DAG1: variants seen among roughly 807,000 people sequenced by gnomAD.
DAG1 encodes the protein dystroglycan 1 (dystrophin-associated glycoprotein 1).
In DAG1, 8 loss-of-function variants were observed where a neutral mutation model predicts 46.1. That is an observed-to-expected ratio of 0.17 (90% CI 0.10 to 0.31). The LOEUF is 0.31. Among genes scored for constraint, DAG1 ranks in the 10% least tolerant of loss-of-function variants. The probability of loss-of-function intolerance (pLI) is 1.00; values close to 1 mark genes in which losing one functional copy is unlikely to be tolerated. For synonymous variants in DAG1, 495 were observed against 481.8 expected (o/e 1.03, Z -0.36); for missense variants, 1,003 against 1,189.9 (o/e 0.84, Z 2.31).
chr3:49,522,868 G>A (rs1051270049), intron 2 of DAG1, among the ~76,000 whole-genome samples: 2 of 152,156 alleles, frequency 1.3e-5, no homozygotes, highest in African/African-American at 4.8e-5. Context: ...GGCAGTTTCT[G>A]CCTCCTGCAG....
At position 49,531,114 on chromosome 3, in the gene DAG1, G is replaced by A; in HGVS notation, c.603G>A (p.Lys201=). 6.2e-7 allele frequency: 1 copy of A among 1,614,230 alleles called. No individual in the cohort carries two copies. The highest frequency in any genetic ancestry group is 1.1e-5 in the South Asian group (1 of 91,084). ...TGATTTTGGATGCCGACCTCACCAA[G>A]ATGACCCCAAAGCAAAGGATTGACC... ...LTVILDADLT[K]MTPKQRIDLL... Residue 201 remains lysine (K), a synonymous_variant, in exon 3 of 3, where the codon AAG becomes AAA. Coordinates refer to ENST00000308775, the MANE Select transcript of DAG1 (RefSeq NM_004393.6). The surrounding 1 kb of genome is among the most constrained non-coding windows in gnomAD (Gnocchi z 7.0).
At chr3:49,517,755 T>C (rs544420315) in intron 2 of DAG1, among the ~76,000 whole-genome samples, 21 of 152,246 alleles carry the variant, frequency 1.4e-4, no homozygotes, top group Admixed American at 5.9e-4. Context: ...GCTATCATTG[T>C]TCCCTGTGTA....
chr3:49,490,083 G>T (rs991125208), intron 1 of DAG1, among the ~76,000 whole-genome samples: 1 of 152,156 alleles, frequency 6.6e-6, no homozygotes, highest in African/African-American at 2.4e-5. Context: ...GCTGGGCGCG[G>T]TGGCTTACGC....
In DAG1 at chr3:49,533,323, C is replaced by T. The variant is rs1374427123; in HGVS notation, c.*124C>T. 3 of 1,426,252 alleles carry T rather than the reference C, an allele frequency of 2.1e-6. No individual in the cohort carries two copies. Among genetic ancestry groups the T allele is most frequent in the African/African-American group, 1.4e-5 (1 of 70,878 alleles). 88.3% of individuals were successfully genotyped at this position (1,426,252 alleles called of 1,614,324 possible). A position where few individuals can be genotyped will look rare whatever the true frequency, so the allele number is the denominator to read the frequency against. On this transcript the variant is annotated 3_prime_UTR_variant, in exon 3 of 3. Transcript: ENST00000308775. ...GAGCCGACACCTGACCTAGCACACA[C>T]TGACACAGGGGCCTGGACAAGCCCG...
rs185132018 is a variant in DAG1, at chr3:49,473,086, A to G, written c.-117+2653A>G. On this transcript the variant is annotated intron_variant, in intron 1 of 2. Coordinates refer to ENST00000308775, the MANE Select transcript of DAG1 (RefSeq NM_004393.6). Reference sequence around the variant, plus strand: ...CAGTGAGCTGAAAGCCTGGGTGACAAGAGCAAAACTCGGTCTCAAAAAAAA... The same window carrying G: ...CAGTGAGCTGAAAGCCTGGGTGACAGGAGCAAAACTCGGTCTCAAAAAAAA... Among the ~76,000 whole-genome samples, 15 of 150,478 alleles carry G rather than the reference A, an allele frequency of 1.0e-4. No homozygotes were observed. The East Asian group carries it at 2.9e-3, about 29-fold the overall frequency.
chr3:49,490,048 T>C (rs1559553044), intron 1 of DAG1, among the ~76,000 whole-genome samples: 1 of 152,218 alleles, frequency 6.6e-6, no homozygotes, highest in African/African-American at 2.4e-5. Context: ...TTCCTTTCTC[T>C]TACCACTTGT....
intron 1 of DAG1, among the ~76,000 whole-genome samples, chr3:49,501,564 C>A (rs1300932355): frequency 6.6e-6 from 1 of 152,178 alleles, no homozygotes; most frequent in Non-Finnish European, 1.5e-5. Context: ...GTAATCCCAG[C>A]ACTTTGGGAG....
intron 1 of DAG1, among the ~76,000 whole-genome samples, chr3:49,507,493 G>A (rs893571666): frequency 2.6e-5 from 4 of 152,074 alleles, no homozygotes; most frequent in East Asian, 1.9e-4. Context: ...AACCTGGGAG[G>A]CGGAGGTTAC....
intron 1 of DAG1, among the ~76,000 whole-genome samples, chr3:49,485,188 C>A (rs531300359): frequency 1.3e-5 from 2 of 152,116 alleles, no homozygotes; most frequent in South Asian, 4.2e-4. Flanking sequence ...GGGGTTTCAC[C>A]GTGGTCTTGA....
intron 2 of DAG1, among the ~76,000 whole-genome samples, chr3:49,515,391 T>G (rs1164654439): frequency 6.7e-6 from 1 of 149,728 alleles, no homozygotes; most frequent in East Asian, 1.9e-4. Flanking sequence ...TTGTGTTGTT[T>G]TTTTTTTTTT....
At chr3:49,475,828 C>T (rs140084735) in intron 1 of DAG1, among the ~76,000 whole-genome samples, 4 of 151,952 alleles carry the variant, frequency 2.6e-5, no homozygotes, top group African/African-American at 7.2e-5. Flanking sequence ...CTCGGCCTCC[C>T]GAGTAGCTGG....
At position 49,490,169 on chromosome 3, in the gene DAG1, C is replaced by T. The variant is rs555214635; in HGVS notation, c.-117+19736C>T. On this transcript the variant is annotated intron_variant, in intron 1 of 2. Transcript: ENST00000308775. ...GAGATCGAGACTATCCTGGCTAACA[C>T]GGTGAAACCCCGTCTCTACTAAAAA... 1.1e-4 allele frequency among the ~76,000 whole-genome samples: 16 copies of T among 151,966 alleles called. No individual in the cohort carries two copies. In the South Asian group the frequency reaches 2.5e-3, roughly 24 times the overall value.
chr3:49,473,758 A>G (rs896774647), intron 1 of DAG1, among the ~76,000 whole-genome samples: 6 of 151,212 alleles, frequency 4.0e-5, no homozygotes, highest in East Asian at 2.0e-4. Flanking sequence ...AATTTTTTGC[A>G]TTTTTAGTAG....
intron 1 of DAG1, among the ~76,000 whole-genome samples, chr3:49,479,287 G>T (rs1172964125): frequency 6.6e-6 from 1 of 151,448 alleles, no homozygotes; most frequent in African/African-American, 2.4e-5. Context: ...GCCCTTGGCA[G>T]TGTTCTTACC....
intron 1 of DAG1, chr3:49,510,109 G>A: frequency 5.7e-6 from 2 of 349,650 alleles, no homozygotes; most frequent in Non-Finnish European, 1.0e-5. Context: ...GTATCTGACT[G>A]TATTCAAAAT....
At chr3:49,520,325 C>T (rs969912452) in intron 2 of DAG1, among the ~76,000 whole-genome samples, 1 of 152,224 alleles carries the variant, frequency 6.6e-6, no homozygotes, top group African/African-American at 2.4e-5. Flanking sequence ...AAGGCTGATA[C>T]TCCATCAGAG....
chr3:49,508,572 G>C (rs955450270), intron 1 of DAG1, among the ~76,000 whole-genome samples: 1 of 152,062 alleles, frequency 6.6e-6, no homozygotes, highest in Non-Finnish European at 1.5e-5. Context: ...CTAATTTTTT[G>C]TATTTGTAGT....
chr3:49,506,098 G>C (rs1314583844), intron 1 of DAG1, among the ~76,000 whole-genome samples: 2 of 151,042 alleles, frequency 1.3e-5, no homozygotes, highest in East Asian at 3.9e-4. Flanking sequence ...TCCTGCCTCA[G>C]CCTCCTGAGT....
In DAG1 at chr3:49,532,608, C is replaced by G; in HGVS notation, c.2097C>G (p.Asp699Glu). The G allele has an allele frequency of 2.5e-6, 4 of 1,613,084 alleles. No individual in the cohort carries two copies. In the South Asian group the frequency reaches 4.4e-5, roughly 18 times the overall value. ...CCTTCTCCAACGCCCTAGAGCCTGA[C>G]TTTAAGGCCACAAGCATCACTGTGA... ...RPAFSNALEP[D>E]FKATSITVTG... is the part of the protein sequence containing the mutation. The change falls in exon 3 of 3, where the codon GAC (aspartate) becomes GAG (glutamate). Residue 699 changes from aspartate to glutamate, a missense_variant. This residue lies in a region of DAG1 where 755 missense variants were observed against 854.1 expected (regional missense o/e 0.88). Coordinates refer to ENST00000308775, the MANE Select transcript of DAG1 (RefSeq NM_004393.6). This position sits in a 1 kb window ranked among gnomAD's most constrained non-coding sequence, Gnocchi z 5.4.
Sources: allele counts gnomAD v4.1 joint callset (sites outside exome capture counted in the v4.1 genomes callset), GRCh38; gene constraint gnomAD v4.1.1; regional missense constraint gnomAD v4.1.1; non-coding constraint Gnocchi (gnomAD v3.1); transcripts MANE v1.5; gene names NCBI Gene and HGNC (gene_info 2026-07-23, HGNC 2026-07-21).